ZNF385A: variants seen among roughly 807,000 people sequenced by gnomAD.
ZNF385A encodes zinc finger protein 385A.
ZNF385A carries 14 observed loss-of-function variants against 32.1 expected under a neutral mutation model. The ratio of observed to expected loss-of-function variants is 0.44; its 90% CI spans 0.29 to 0.68. The LOEUF (loss-of-function observed/expected upper bound fraction) is 0.68, where lower values mean the gene tolerates loss of function less well. ZNF385A is among the 30% of genes least tolerant of loss of function. The probability of loss-of-function intolerance (pLI) is 0.14; values close to 1 mark genes in which losing one functional copy is unlikely to be tolerated. For missense variants in ZNF385A, 406 were observed against 478.4 expected, an observed-to-expected ratio of 0.85 and a Z score of 1.41; for synonymous variants, 197 against 202.7, an observed-to-expected ratio of 0.97 and a Z score of 0.24.
upstream of ZNF385A, among the ~76,000 whole-genome samples, chr12:54,386,105 G>A (rs540790757): frequency 6.6e-6 from 1 of 152,028 alleles, no homozygotes; most frequent in African/African-American, 2.4e-5. Flanking sequence ...TTAAGTAGCT[G>A]GGGGTCTGTA....
chr12:54,370,367 C>A lies in ZNF385A; in HGVS notation c.990G>T (p.Pro330=). ...AAAGSPLSLR[P]APAAPLLQGP... is the part of the protein sequence containing the mutation. ...CCTGGAGAAGAGGTGCGGCTGGAGCCGGGCGCAGGGACAGCGGCGAGCCTG... is the reference window on the plus strand; with the variant it reads ...CCTGGAGAAGAGGTGCGGCTGGAGCAGGGCGCAGGGACAGCGGCGAGCCTG... The change falls in exon 7 of 7, where the codon CCG becomes CCT. Residue 330 remains proline (P), a synonymous_variant. Transcript: ENST00000394313. This position sits in a 1 kb window ranked among gnomAD's most constrained non-coding sequence, Gnocchi z 5.5. 6.6e-7 allele frequency: 1 copy of A among 1,510,018 alleles called. No homozygotes were observed. The highest frequency in any genetic ancestry group is 8.9e-7 in the Non-Finnish European group (1 of 1,127,898). The allele number at this position is 1,510,018 out of a possible 1,614,324, so 93.5% of individuals were successfully genotyped here.
chr12:54,372,896 G>A (rs1411263471), intron 3 of ZNF385A: 8 of 219,772 alleles, frequency 3.6e-5, no homozygotes, highest in African/African-American at 9.5e-5. Context: ...AAAATTACCC[G>A]GGTGTGGTGG....
At chr12:54,379,055 G>T (rs1454144587) in intron 1 of ZNF385A, 14 of 984,184 alleles carry the variant, frequency 1.4e-5, no homozygotes, top group African/African-American at 1.8e-5. Flanking sequence ...AGGAGGGGCC[G>T]GGTGGCTTAC....
Position 54,370,189 on chromosome 12 carries a change from T to G in ZNF385A, c.*67A>C. 1 of 1,230,454 alleles carries G rather than the reference T, an allele frequency of 8.1e-7. No individual in the cohort carries two copies. The allele number at this position is 1,230,454 out of a possible 1,614,324, so 76.2% of individuals were successfully genotyped here. On this transcript the variant is annotated 3_prime_UTR_variant, in exon 7 of 7. Transcript: ENST00000394313. This position sits in a 1 kb window ranked among gnomAD's most constrained non-coding sequence, Gnocchi z 5.5. ...GGGAGTGCCGGGAGGAGGGGCGGGC[T>G]GGGAGCCCGGACGCCTGGGTCCCGG...
rs370990785 is a variant in ZNF385A at position 54,370,558 on chromosome 12, A to G, written c.870+68T>C. ...GCAAACCCCACCTCTCCCTGGGCAA[A>G]GCCCGCGTCCCTCTCTCCTCCCCGC... On this transcript the variant is annotated intron_variant, in intron 6 of 6. Coordinates refer to ENST00000394313, the MANE Select transcript of ZNF385A (RefSeq NM_015481.3). This position sits in a 1 kb window ranked among gnomAD's most constrained non-coding sequence, Gnocchi z 5.5. 54 of 1,552,092 alleles carry G rather than the reference A, an allele frequency of 3.5e-5. No individual in the cohort carries two copies. The highest frequency in any genetic ancestry group is 2.5e-4 in the African/African-American group (18 of 73,316).
intron 1 of ZNF385A, among the ~76,000 whole-genome samples, chr12:54,377,973 T>A (rs978515168): frequency 6.6e-6 from 1 of 152,208 alleles, no homozygotes; most frequent in Non-Finnish European, 1.5e-5. Flanking sequence ...GGATGACTTG[T>A]GGACTGGCCA....
At chr12:54,386,278 G>C (rs1418372626), upstream of ZNF385A, among the ~76,000 whole-genome samples, 5 of 151,836 alleles carry the variant, frequency 3.3e-5, no homozygotes, top group Non-Finnish European at 5.9e-5. Flanking sequence ...GGTGACTGAG[G>C]AATCGGACAG....
At chr12:54,373,860 G>T in intron 3 of ZNF385A, 113 bp downstream of exon 3, 2 of 1,173,502 alleles carry the variant, frequency 1.7e-6, no homozygotes, top group Non-Finnish European at 2.3e-6. Flanking sequence ...GGTGGGGGTG[G>T]GGGTATAGGG....
chr12:54,370,890 A>G lies in ZNF385A; in HGVS notation c.774+37T>C. 1 of 1,613,706 alleles carries G rather than the reference A, an allele frequency of 6.2e-7. No homozygotes were observed. The highest frequency in any genetic ancestry group is 8.5e-7 in the Non-Finnish European group (1 of 1,179,712). On this transcript the variant is annotated intron_variant, in intron 5 of 6. Transcript: ENST00000394313. The surrounding 1 kb of genome is among the most constrained non-coding windows in gnomAD (Gnocchi z 5.5). ...CTCCCCTTCCCCACTTAGCGGGTGG[A>G]GCGTCCCAGAATTCCTGGGAAGGGC...
Position 54,374,122 on chromosome 12 carries a change from G to A in ZNF385A, c.212C>T (p.Ala71Val). 3 of 1,527,428 alleles carry A rather than the reference G, an allele frequency of 2.0e-6. No individual in the cohort carries two copies. Among genetic ancestry groups the A allele is most frequent in the African/African-American group, 1.4e-5 (1 of 72,374 alleles). The allele number at this position is 1,527,428 out of a possible 1,614,324, so 94.6% of individuals were successfully genotyped here. A position where few individuals can be genotyped will look rare whatever the true frequency, so the allele number is the denominator to read the frequency against. The change falls in exon 3 of 7, where the codon GCG becomes GTG. Residue 71 changes from alanine (A) to valine (V), a missense_variant. Physicochemically the swap from Ala to Val is moderately conservative, Grantham distance 64. Transcript: ENST00000394313. ...GGCGTGGCGATTACCTTTGTAGTGC[G>A]CCTCAGCCTGGCTCTTTAGGGATGG... ...IRFNSQSQAEAHYKGNRHARR... is the reference protein window; with the variant it reads ...IRFNSQSQAEVHYKGNRHARR...
chr12:54,370,718 T>A lies in ZNF385A; in HGVS notation c.778A>T (p.Ile260Phe). The A allele has an allele frequency of 6.3e-7, 1 of 1,578,442 alleles. No individual in the cohort carries two copies. The highest frequency in any genetic ancestry group is 2.3e-5 in the East Asian group (1 of 43,716). The change falls in exon 6 of 7, where the codon ATC becomes TTC. Residue 260 changes from isoleucine to phenylalanine, a missense_variant. Ile to Phe is a conservative substitution (Grantham distance 21). Coordinates refer to ENST00000394313, the MANE Select transcript of ZNF385A (RefSeq NM_015481.3). The surrounding 1 kb of genome is among the most constrained non-coding windows in gnomAD (Gnocchi z 5.5). ...CCGTCTCGGTGCCGCCGGCTGGAGATGTGCTGCGGGGGCCAGTGGATAGGG... is the reference window on the plus strand; with the variant it reads ...CCGTCTCGGTGCCGCCGGCTGGAGAAGTGCTGCGGGGGCCAGTGGATAGGG... The part of the protein sequence containing the change: ...VNSEVQLKQH[I>F]SSRRHRDGVA...
At chr12:54,384,317 G>T (rs1034015256) in intron 1 of ZNF385A, 111 bp downstream of exon 1, 11 of 1,266,980 alleles carry the variant, frequency 8.7e-6, no homozygotes, top group Non-Finnish European at 1.1e-5. Context: ...AGGAAGATGG[G>T]GTCATAAGAG....
At chr12:54,381,232 GA>G (rs35496366) in intron 1 of ZNF385A, 2,577 of 142,028 alleles carry the variant, frequency 0.018, 71 homozygotes, top group African/African-American at 0.061. Context: ...AAGAAAAAAA[GA>G]AAAAAAAAAA....
At position 54,384,439 on chromosome 12, in the gene ZNF385A, T is replaced by C; in HGVS notation, c.76A>G (p.Asn26Asp). 6.3e-7 allele frequency: 1 copy of C among 1,589,962 alleles called. No individual in the cohort carries two copies. Among genetic ancestry groups the C allele is most frequent in the Non-Finnish European group, 8.6e-7 (1 of 1,168,286 alleles). The change falls in exon 1 of 7, where the codon AAC (asparagine) becomes GAC (aspartate). Residue 26 changes from asparagine (N) to aspartate (D), a missense_variant. Physicochemically the swap from Asn to Asp is conservative, Grantham distance 23. Coordinates refer to ENST00000394313, the MANE Select transcript of ZNF385A (RefSeq NM_015481.3). Reference protein sequence around the residue: ...EPAPTLGLFSNYSTMDPVQKA... With the variant: ...EPAPTLGLFSDYSTMDPVQKA... ...AGGCTGCTACTTACGGTGCTGTAGT[T>C]GCTGAAGAGGCCAAGGGTAGGGGCT...
chr12:54,373,123 T>TGTGTG, intron 3 of ZNF385A: 1 of 85,920 alleles, frequency 1.2e-5, no homozygotes, highest in African/African-American at 5.8e-5. Flanking sequence ...CCTGAGGGGG[T>TGTGTG]TCTGTGTGTG....
chr12:54,390,595 T>G (rs959152155), intron 1 of ZNF385A, among the ~76,000 whole-genome samples: 30 of 151,970 alleles, frequency 2.0e-4, no homozygotes, highest in Non-Finnish European at 3.4e-4. Flanking sequence ...GGAGACAGGC[T>G]CTGAGCCGCA....
intron 1 of ZNF385A, among the ~76,000 whole-genome samples, chr12:54,384,093 C>A (rs1955340793): frequency 6.6e-6 from 1 of 152,186 alleles, no homozygotes. Context: ...AGCACCTACA[C>A]CCCTCCTACC....
rs1479897738 is a variant in ZNF385A at position 54,369,327 on chromosome 12, GGA to G, written c.*927_*928del. The G allele has an allele frequency of 6.6e-6, 1 of 152,022 alleles. No individual in the cohort carries two copies. The highest frequency in any genetic ancestry group is 2.4e-5 in the African/African-American group (1 of 41,284). 9.4% of individuals were successfully genotyped at this position (152,022 alleles called of 1,614,324 possible). A position where few individuals can be genotyped will look rare whatever the true frequency, so the allele number is the denominator to read the frequency against. ...CGGAAACCACGGAGTCGGGGGTGGG[GGA>G]GAGGTGTCACACCCCCGCCCGAGTT... On this transcript the variant is annotated 3_prime_UTR_variant, in exon 7 of 7. Transcript: ENST00000394313.
chr12:54,379,971 CT>C (rs2137249927), intron 1 of ZNF385A, among the ~76,000 whole-genome samples: 1 of 152,336 alleles, frequency 6.6e-6, no homozygotes, highest in East Asian at 1.9e-4. Flanking sequence ...TAGGTCTCAT[CT>C]TCTCCCATCC....
Sources: gnomAD v4.1 joint callset for allele counts (sites outside exome capture counted in the v4.1 genomes callset) on GRCh38, gnomAD v4.1.1 for gene constraint, Gnocchi (gnomAD v3.1) non-coding constraint, MANE v1.5 for transcripts, NCBI Gene and HGNC (gene_info 2026-07-23, HGNC 2026-07-21) for gene names.